SLX4: variants seen among roughly 807,000 people sequenced by gnomAD.
The protein encoded by SLX4 is SLX4 structure-specific endonuclease subunit.
In SLX4, 112 loss-of-function variants were observed where a neutral mutation model predicts 146.2. The observed-to-expected ratio is 0.77, with a 90% CI of 0.66 to 0.90. SLX4 has a LOEUF of 0.90. Ranked by LOEUF, SLX4 falls within the 40% of genes least tolerant of loss-of-function variation. The pLI is 0.00. For synonymous variants in SLX4, 1,061 were observed against 997.7 expected (o/e 1.06, Z -1.20); for missense variants, 2,563 against 2,392.7 (o/e 1.07, Z -1.49).
At chr16:3,595,354 G>A (rs941141823) in intron 9 of SLX4, among the ~76,000 whole-genome samples, 2 of 152,218 alleles carry the variant, frequency 1.3e-5, no homozygotes, top group African/African-American at 2.4e-5. Flanking sequence ...CAACCCCAAG[G>A]TGCCCCATGG....
chr16:3,603,292 C>T (rs571521005), intron 3 of SLX4, among the ~76,000 whole-genome samples: 1 of 152,370 alleles, frequency 6.6e-6, no homozygotes, highest in Admixed American at 6.5e-5. Flanking sequence ...ATCTGCCCGC[C>T]TTGGCCTCCC....
At chr16:3,595,561 G>GGGAT in intron 9 of SLX4, 44 bp downstream of exon 9, 9 of 1,606,788 alleles carry the variant, frequency 5.6e-6, no homozygotes, top group Non-Finnish European at 7.7e-6. Context: ...CATGGCAAGT[G>GGGAT]GGATGGCCGG....
At chr16:3,594,425 G>C (rs762072240) in intron 10 of SLX4, 28 bp downstream of exon 10, 1 of 1,602,742 alleles carries the variant, frequency 6.2e-7, no homozygotes, top group Non-Finnish European at 8.5e-7. Context: ...GAGAGGAAAG[G>C]AGGGCACACG....
Position 3,594,510 on chromosome 16 carries a change from C to T in SLX4, c.2103G>A (p.Glu701=), listed in dbSNP as rs73505420. The change falls in exon 10 of 15, where the codon GAG becomes GAA. Residue 701 remains glutamate, a synonymous_variant. Coordinates refer to ENST00000294008, the MANE Select transcript of SLX4 (RefSeq NM_032444.4). ...SDVQFQTDSG[E]VLYAHKFVLY... is the part of the protein sequence containing the mutation. ...GCACGAACTTGTGGGCGTAAAGCAC[C>T]TCCCCGCTGTCCGTCTGAAACTGGA... is the stretch of plus-strand genomic sequence containing the variant. The T allele has an allele frequency of 1.2e-6, 2 of 1,614,022 alleles. No individual in the cohort carries two copies. The highest frequency in any genetic ancestry group is 1.7e-5 in the Admixed American group (1 of 59,990).
chr16:3,607,432 T>C (rs1455182963), intron 2 of SLX4, among the ~76,000 whole-genome samples: 4 of 152,316 alleles, frequency 2.6e-5, no homozygotes, highest in African/African-American at 9.6e-5. Flanking sequence ...GTATTATATA[T>C]GCAAGGGTAG....
rs2151129919 is a variant in SLX4 at position 3,596,207 on chromosome 16, T to C, written c.1870A>G (p.Ser624Gly). The C allele has an allele frequency of 6.4e-7, 1 of 1,550,556 alleles. No homozygotes were observed. Among genetic ancestry groups the C allele is most frequent in the Non-Finnish European group, 8.7e-7 (1 of 1,149,244 alleles). ...DLVDLAREGLSASPWPGSGGL... is the reference protein window; with the variant it reads ...DLVDLAREGLGASPWPGSGGL... The stretch of plus-strand genomic sequence containing the variant: ...CCACTGCCGGGCCACGGGCTGGCGC[T>C]CAGTCCCTCCCTCGCCAGGTCCACG... Residue 624 changes from serine (S) to glycine (G), a missense_variant, in exon 8 of 15, where the codon AGC becomes GGC. Ser to Gly is a moderately conservative substitution (Grantham distance 56). Transcript: ENST00000294008.
Position 3,602,300 on chromosome 16 carries a change from C to G in SLX4, c.768G>C (p.Gly256=). 2 of 1,613,906 alleles carry G rather than the reference C, an allele frequency of 1.2e-6. No individual in the cohort carries two copies. Among genetic ancestry groups the G allele is most frequent in the Non-Finnish European group, 1.7e-6 (2 of 1,180,030 alleles). Residue 256 remains glycine (G), a synonymous_variant, in exon 4 of 15, where the codon GGG becomes GGC. Coordinates refer to ENST00000294008, the MANE Select transcript of SLX4 (RefSeq NM_032444.4). ...CGCTCTCTGGGGCAGGGGGCCCAAG[C>G]CCATACACTGTGGAGAAGCACCAAA... ...QEEMMAGNVY[G]LGPPAPESDA...
chr16:3,603,094 G>A (rs1007690853), intron 3 of SLX4, among the ~76,000 whole-genome samples: 2 of 152,108 alleles, frequency 1.3e-5, no homozygotes, highest in South Asian at 2.1e-4. Context: ...ACACTCTGTC[G>A]CCAGGCTGGA....
chr16:3,599,263 G>T (rs1360537549), intron 5 of SLX4, among the ~76,000 whole-genome samples: 2 of 152,134 alleles, frequency 1.3e-5, no homozygotes, highest in African/African-American at 4.8e-5. Flanking sequence ...AGCTGCCCAT[G>T]ACCTGTGTGC....
At position 3,583,666 on chromosome 16, in the gene SLX4, G is replaced by A. The variant is rs2040471306; in HGVS notation, c.4740-156C>T. On this transcript the variant is annotated intron_variant, in intron 13 of 14. Transcript: ENST00000294008. Reference sequence around the variant, plus strand: ...ACTTCTGTGAGCATCAGAGGTTAGTGTCTATTCTAGGCGCCAACTAAGCTT... The same window carrying A: ...ACTTCTGTGAGCATCAGAGGTTAGTATCTATTCTAGGCGCCAACTAAGCTT... Among the ~76,000 whole-genome samples, 3 of 152,312 alleles carry A rather than the reference G, an allele frequency of 2.0e-5. No homozygotes were observed. In the South Asian group the frequency reaches 6.2e-4, roughly 32 times the overall value.
chr16:3,590,848 T>A lies in SLX4; in HGVS notation c.2790A>T (p.Pro930=). ...WEKMGQCALP[P]PQGQHSGARG... ...GTGCCCCTGAGTGCTGGCCCTGGGG[T>A]GGCGGGAGAGCGCACTGTCCCATCT... Residue 930 remains proline (P), a synonymous_variant, in exon 12 of 15, where the codon CCA becomes CCT. Coordinates refer to ENST00000294008, the MANE Select transcript of SLX4 (RefSeq NM_032444.4). The surrounding 1 kb of genome is among the most constrained non-coding windows in gnomAD (Gnocchi z 4.8). 1 of 1,614,032 alleles carries A rather than the reference T, an allele frequency of 6.2e-7. No individual in the cohort carries two copies. The highest frequency in any genetic ancestry group is 2.2e-5 in the East Asian group (1 of 44,870).
intron 5 of SLX4, among the ~76,000 whole-genome samples, chr16:3,600,235 T>C (rs1187705058): frequency 2.6e-5 from 4 of 152,126 alleles, no homozygotes; most frequent in African/African-American, 4.8e-5. Context: ...CCACCACTGA[T>C]CTGACAGGAG....
chr16:3,596,520 C>A (rs954346418), intron 7 of SLX4, 127 bp from the exon 8 acceptor site: 4 of 1,194,100 alleles, frequency 3.3e-6, no homozygotes, highest in Non-Finnish European at 4.6e-6. Context: ...GCTGTGGGGA[C>A]AGACTGTCCC....
rs2040450787 is a variant in SLX4 at position 3,582,546 on chromosome 16, G to C, written c.5301C>G (p.Tyr1767Ter). The change falls in exon 15 of 15, where the codon TAC (tyrosine) becomes TAG (stop). Residue 1767 changes from tyrosine (Y) to a stop codon, truncating the protein, a stop_gained. Coordinates refer to ENST00000294008, the MANE Select transcript of SLX4 (RefSeq NM_032444.4). LOFTEE classifies it low-confidence loss of function (END_TRUNC). ...RCYIRSKPAL[Y>*]QKVLLYQPFE... The stretch of plus-strand genomic sequence containing the variant: ...AGGGCTGGTACAGCAGCACCTTCTG[G>C]TACAGGGCCGGCTTGGAGCGGATGT... The C allele has an allele frequency of 1.2e-6, 2 of 1,613,934 alleles. No individual in the cohort carries two copies. The highest frequency in any genetic ancestry group is 4.5e-5 in the East Asian group (2 of 44,880).
chr16:3,609,104 T>A lies in SLX4; in HGVS notation c.-140A>T. On this transcript the variant is annotated 5_prime_UTR_variant, in exon 2 of 15. Transcript: ENST00000294008. The stretch of plus-strand genomic sequence containing the variant: ...GTTAAACATGTTTAAAGCTTCCCTC[T>A]GTTAAAGTCCACAACTGGGCCGGGC... The A allele has an allele frequency of 9.1e-7, 1 of 1,099,010 alleles. No individual in the cohort carries two copies. Among genetic ancestry groups the A allele is most frequent in the South Asian group, 1.4e-5 (1 of 72,650 alleles). 68.1% of individuals were successfully genotyped at this position (1,099,010 alleles called of 1,614,324 possible).
At chr16:3,595,261 C>T (rs1241563477) in intron 9 of SLX4, among the ~76,000 whole-genome samples, 2 of 152,226 alleles carry the variant, frequency 1.3e-5, no homozygotes, top group African/African-American at 2.4e-5. Flanking sequence ...ACGAGCAGAG[C>T]GTGCCTGGAT....
intron 10 of SLX4, 74 bp downstream of exon 10, chr16:3,594,379 G>A (rs1018326742): frequency 1.2e-4 from 194 of 1,555,548 alleles, no homozygotes; most frequent in Non-Finnish European, 1.6e-4. Flanking sequence ...GACATGGGAA[G>A]ACCTGGTTGG....
In SLX4 at chr16:3,589,684, G is replaced by C; in HGVS notation, c.3954C>G (p.Pro1318=). ...FSVIRPQTPP[P]QTPSSCLTPV... ...GAGTGAGGCATGAGGACGGTGTCTGGGGCGGTGGTGTCTGGGGCCTGATGA... is the reference window on the plus strand; with the variant it reads ...GAGTGAGGCATGAGGACGGTGTCTGCGGCGGTGGTGTCTGGGGCCTGATGA... The change falls in exon 12 of 15, where the codon CCC becomes CCG. Residue 1318 remains proline (P), a synonymous_variant. Coordinates refer to ENST00000294008, the MANE Select transcript of SLX4 (RefSeq NM_032444.4). This position sits in a 1 kb window ranked among gnomAD's most constrained non-coding sequence, Gnocchi z 6.2. 1.9e-6 allele frequency: 3 copies of C among 1,613,874 alleles called. No homozygotes were observed. Among genetic ancestry groups the C allele is most frequent in the South Asian group, 2.2e-5 (2 of 91,074 alleles).
Position 3,591,304 on chromosome 16 carries a change from G to A in SLX4, c.2334C>T (p.Gly778=), listed in dbSNP as rs1235572029. The A allele has an allele frequency of 8.1e-6, 13 of 1,610,646 alleles. No homozygotes were observed. Among genetic ancestry groups the A allele is most frequent in the South Asian group, 1.1e-5 (1 of 91,082 alleles). Residue 778 remains glycine, a synonymous_variant, in exon 12 of 15, where the codon GGC becomes GGT. Transcript: ENST00000294008. ...CGCACAGGTGAACGAGCTCACTCAC[G>A]CCAAACCTGCAACACGAAACATCGA... The part of the protein sequence containing the change: ...SELSSLAHRF[G]VSELVHLCEQ...
Sources: allele counts gnomAD v4.1 joint callset (sites outside exome capture counted in the v4.1 genomes callset), GRCh38; gene constraint gnomAD v4.1.1; non-coding constraint Gnocchi (gnomAD v3.1); transcripts MANE v1.5; gene names NCBI Gene and HGNC (gene_info 2026-07-23, HGNC 2026-07-21).